ADGRV1: variants seen among roughly 807,000 people sequenced by gnomAD.
The protein encoded by ADGRV1 is adhesion G protein-coupled receptor V1, also known as G-protein coupled receptor 98.
Under a neutral mutation model 596.2 loss-of-function variants are expected in ADGRV1, and 359 were observed. The observed-to-expected ratio is 0.60, with a 90% CI of 0.55 to 0.66. The LOEUF (loss-of-function observed/expected upper bound fraction) is 0.66, where lower values mean the gene tolerates loss of function less well. Ranked by LOEUF, ADGRV1 falls within the 30% of genes least tolerant of loss-of-function variation. ADGRV1 has a pLI of 0.00. For synonymous variants in ADGRV1, 2,681 were observed against 2,679.2 expected (o/e 1.00, Z -0.02); for missense variants, 7,274 against 7,575.6 (o/e 0.96, Z 1.48).
chr5:91,035,219 C>G (rs1466364189), intron 85 of ADGRV1, among the ~76,000 whole-genome samples: 2 of 152,156 alleles, frequency 1.3e-5, no homozygotes, highest in African/African-American at 4.8e-5. Flanking sequence ...CTCACTGCCT[C>G]CCTCTTGAGC....
At chr5:90,674,551 CTAAG>C (rs1772956869) in intron 23 of ADGRV1, 1 of 184,376 alleles carries the variant, frequency 5.4e-6, no homozygotes, top group African/African-American at 2.3e-5. Flanking sequence ...TTGTTAACAC[CTAAG>C]TAATTGAAAT....
chr5:90,972,017 C>A (rs1183711130), intron 84 of ADGRV1, among the ~76,000 whole-genome samples: 1 of 152,016 alleles, frequency 6.6e-6, no homozygotes, highest in South Asian at 2.1e-4. Flanking sequence ...ATCTACCAAG[C>A]AAATGGAAAA....
At position 90,646,111 on chromosome 5, in the gene ADGRV1, T is replaced by A. The variant is rs1166506943; in HGVS notation, c.3022+20T>A. 6.6e-7 allele frequency: 1 copy of A among 1,524,006 alleles called. No homozygotes were observed. The highest frequency in any genetic ancestry group is 8.8e-7 in the Non-Finnish European group (1 of 1,133,014). 94.4% of individuals were successfully genotyped at this position (1,524,006 alleles called of 1,614,324 possible). A position where few individuals can be genotyped will look rare whatever the true frequency, so the allele number is the denominator to read the frequency against. ...TTGCAGGTGGTATTGCTGTCTTATTTGAATGAGTTTACATATTTCTTAAAT... is the reference window on the plus strand; with the variant it reads ...TTGCAGGTGGTATTGCTGTCTTATTAGAATGAGTTTACATATTTCTTAAAT... On this transcript the variant is annotated intron_variant, in intron 16 of 89. Transcript: ENST00000405460.
At chr5:90,687,379 A>G (rs1745814324) in intron 29 of ADGRV1, among the ~76,000 whole-genome samples, 1 of 152,122 alleles carries the variant, frequency 6.6e-6, no homozygotes. Flanking sequence ...ATCTTGAATT[A>G]ATTGTTGTAT....
rs145371375 is a variant in ADGRV1, at chr5:90,628,120, ACT to A, written c.1238+346_1238+347del. Among the ~76,000 whole-genome samples, 98 of 151,844 alleles carry A rather than the reference ACT, an allele frequency of 6.5e-4. No individual in the cohort carries two copies. In the East Asian group the frequency reaches 0.014, roughly 22 times the overall value. On this transcript the variant is annotated intron_variant, in intron 7 of 89. Coordinates refer to ENST00000405460, the MANE Select transcript of ADGRV1 (RefSeq NM_032119.4). ...ATACTTTTTTCCGCCAGGCATGGTG[ACT>A]CACACCTGTAATCCCAGCACTTTGG...
intron 85 of ADGRV1, among the ~76,000 whole-genome samples, chr5:90,990,460 A>G (rs1780867450): frequency 6.6e-6 from 1 of 152,174 alleles, no homozygotes. Flanking sequence ...AAACTAGAAA[A>G]AGGAAGGCCT....
At chr5:90,869,850 A>G (rs1368209860) in intron 83 of ADGRV1, among the ~76,000 whole-genome samples, 1 of 152,198 alleles carries the variant, frequency 6.6e-6, no homozygotes, top group Admixed American at 6.5e-5. Context: ...CATAGGTCAC[A>G]TAGTGGTAAG....
chr5:90,777,654 C>A (rs1003902561), intron 61 of ADGRV1, among the ~76,000 whole-genome samples: 11 of 152,090 alleles, frequency 7.2e-5, no homozygotes, highest in Admixed American at 6.5e-4. Flanking sequence ...TTCTTTAAAC[C>A]TTCTGCTTTT....
At chr5:90,612,627 G>A (rs1263422576) in intron 1 of ADGRV1, among the ~76,000 whole-genome samples, 1 of 151,952 alleles carries the variant, frequency 6.6e-6, no homozygotes, top group Non-Finnish European at 1.5e-5. Context: ...GATTAAATGT[G>A]TTAATGTATA....
At chr5:90,593,025 T>G (rs1340287636) in intron 1 of ADGRV1, among the ~76,000 whole-genome samples, 1 of 152,212 alleles carries the variant, frequency 6.6e-6, no homozygotes. Context: ...TCAACCATTG[T>G]GGAACACAGT....
At chr5:90,737,769 T>A (rs79581316) in intron 50 of ADGRV1, among the ~76,000 whole-genome samples, 5,161 of 152,068 alleles carry the variant, frequency 0.034, 309 homozygotes, top group African/African-American at 0.12. Flanking sequence ...GACTTACATT[T>A]GCAAGGAATG....
intron 83 of ADGRV1, among the ~76,000 whole-genome samples, chr5:90,927,217 T>C (rs1477941391): frequency 6.6e-6 from 1 of 151,070 alleles, no homozygotes; most frequent in Non-Finnish European, 1.5e-5. Flanking sequence ...TTGATCTGTT[T>C]AATGTTGACA....
chr5:91,081,151 A>T (rs1789334860), intron 86 of ADGRV1, among the ~76,000 whole-genome samples: 1 of 152,134 alleles, frequency 6.6e-6, no homozygotes, highest in Non-Finnish European at 1.5e-5. Context: ...CTCATGGATG[A>T]GAGAGAACCC....
intron 85 of ADGRV1, among the ~76,000 whole-genome samples, chr5:91,025,370 G>GC (rs1783943157): frequency 6.6e-6 from 1 of 151,758 alleles, no homozygotes; most frequent in African/African-American, 2.4e-5. Context: ...TCTTATCTAA[G>GC]CCAGATAGTT....
At chr5:90,898,002 G>A (rs1427079197) in intron 83 of ADGRV1, among the ~76,000 whole-genome samples, 1 of 152,138 alleles carries the variant, frequency 6.6e-6, no homozygotes, top group African/African-American at 2.4e-5. Context: ...GTTCCCTCCA[G>A]GCCCAGGAGG....
chr5:90,886,136 A>T (rs1770259718), intron 83 of ADGRV1, among the ~76,000 whole-genome samples: 1 of 152,188 alleles, frequency 6.6e-6, no homozygotes, highest in Non-Finnish European at 1.5e-5. Context: ...ATCGTTCTGG[A>T]GGCTGGCTAT....
At chr5:90,762,391 T>G (rs1756606524) in intron 58 of ADGRV1, among the ~76,000 whole-genome samples, 2 of 152,212 alleles carry the variant, frequency 1.3e-5, no homozygotes, top group South Asian at 4.1e-4. Context: ...GAAGCTCATT[T>G]CAGTTTGTTT....
At chr5:91,126,818 T>C (rs1793799657) in intron 87 of ADGRV1, among the ~76,000 whole-genome samples, 1 of 152,022 alleles carries the variant, frequency 6.6e-6, no homozygotes. Context: ...TGTAGGGAGA[T>C]TGTGGATTTA....
intron 83 of ADGRV1, among the ~76,000 whole-genome samples, chr5:90,940,091 A>G (rs1776044202): frequency 6.6e-6 from 1 of 152,196 alleles, no homozygotes. Context: ...CTTCTGAAGA[A>G]CTGTTCCTGT....
Sources: gnomAD v4.1 joint callset for allele counts (sites outside exome capture counted in the v4.1 genomes callset) on GRCh38, gnomAD v4.1.1 for gene constraint, MANE v1.5 for transcripts, NCBI Gene and HGNC (gene_info 2026-07-23, HGNC 2026-07-21) for gene names.